GTF2H5: variants seen among roughly 807,000 people sequenced by gnomAD.
GTF2H5 encodes TFB5 ortholog.
GTF2H5 carries 5 observed loss-of-function variants against 7.1 expected under a neutral mutation model. That is an observed-to-expected ratio of 0.71 (90% CI 0.37 to 1.49). The LOEUF is 1.49. Ranked by LOEUF, GTF2H5 falls within the 40% of genes most tolerant of loss-of-function variation. The probability of loss-of-function intolerance (pLI) is 0.03; values close to 1 mark genes in which losing one functional copy is unlikely to be tolerated. For synonymous variants in GTF2H5, 30 were observed against 31.7 expected (o/e 0.95, Z 0.18); for missense variants, 80 against 83.0 (o/e 0.96, Z 0.14).
In GTF2H5 at chr6:158,187,703, G is replaced by T. The variant is rs953768691; in HGVS notation, c.36-4274G>T. On this transcript the variant is annotated intron_variant, in intron 2 of 2. Transcript: ENST00000607778. ...CTGCCTCAGCCTCCCGAGTAGCTGG[G>T]ACTACAGGTGCCTGCCACCACATCT... 5.3e-5 allele frequency among the ~76,000 whole-genome samples: 8 copies of T among 152,146 alleles called. No individual in the cohort carries two copies. The East Asian group carries it at 1.6e-3, about 30-fold the overall frequency.
At chr6:158,175,379 T>C (rs577772171) in intron 2 of GTF2H5, among the ~76,000 whole-genome samples, 1 of 152,326 alleles carries the variant, frequency 6.6e-6, no homozygotes, top group South Asian at 2.1e-4. Flanking sequence ...CTGATGGAAG[T>C]GTAATCCCAA....
intron 2 of GTF2H5, among the ~76,000 whole-genome samples, chr6:158,188,620 A>G (rs1776969679): frequency 6.6e-6 from 1 of 151,998 alleles, no homozygotes; most frequent in Admixed American, 6.5e-5. Context: ...CTGTTCTAGA[A>G]AATCTTTTCA....
At chr6:158,175,044 G>GTATGTGTGTGTGTGTGTA (rs1785915193) in intron 2 of GTF2H5, among the ~76,000 whole-genome samples, 23 of 142,834 alleles carry the variant, frequency 1.6e-4, no homozygotes, top group African/African-American at 6.1e-4. Context: ...GTGTGTGTGT[G>GTATGTGTGTGTGTGTGTA]TATACACACA....
rs1241447517 is a variant in GTF2H5, at chr6:158,169,675, T to C, written c.-34-795T>C. ...ATTACATATAATATATTGTATATTA[T>C]ATAATATATAATATATATTATATAA... On this transcript the variant is annotated intron_variant, in intron 1 of 2. Transcript: ENST00000607778. Among the ~76,000 whole-genome samples, 4 of 50,808 alleles carry C rather than the reference T, an allele frequency of 7.9e-5. 1 individual carries two copies. The highest frequency in any genetic ancestry group is 6.6e-5 in the Non-Finnish European group (2 of 30,184). The allele number at this position is 50,808 out of a possible 152,430, so 33.3% of individuals were successfully genotyped here.
chr6:158,171,323 A>C (rs918872549), intron 2 of GTF2H5, among the ~76,000 whole-genome samples: 46 of 152,344 alleles, frequency 3.0e-4, no homozygotes, highest in African/African-American at 1.0e-3. Context: ...CTAAGTCTTC[A>C]AAAAAATCTT....
intron 2 of GTF2H5, among the ~76,000 whole-genome samples, chr6:158,178,908 C>T (rs1226904156): frequency 1.3e-5 from 2 of 152,182 alleles, no homozygotes; most frequent in Non-Finnish European, 2.9e-5. Flanking sequence ...TTGTTTTAGA[C>T]ATGAAGTCTT....
chr6:158,177,291 A>T (rs537450278), intron 2 of GTF2H5, among the ~76,000 whole-genome samples: 1 of 152,340 alleles, frequency 6.6e-6, no homozygotes, highest in East Asian at 1.9e-4. Flanking sequence ...CAGTGTAGCT[A>T]TGGTACTAAC....
At chr6:158,173,281 G>A (rs1785881908) in intron 2 of GTF2H5, among the ~76,000 whole-genome samples, 1 of 152,152 alleles carries the variant, frequency 6.6e-6, no homozygotes, top group Non-Finnish European at 1.5e-5. Context: ...CTAAAGTGTA[G>A]TCTGCACAAT....
Position 158,191,960 on chromosome 6 carries a change from T to A in GTF2H5, c.36-17T>A. 6.2e-7 allele frequency: 1 copy of A among 1,604,116 alleles called. No homozygotes were observed. Among genetic ancestry groups the A allele is most frequent in the Non-Finnish European group, 8.5e-7 (1 of 1,170,830 alleles). ...TTGACAACAAGCTGTCTTACAATCATGTGTTTGTCTTTACAGTGATCCTGC... is the reference window on the plus strand; with the variant it reads ...TTGACAACAAGCTGTCTTACAATCAAGTGTTTGTCTTTACAGTGATCCTGC... On this transcript the variant is annotated splice_polypyrimidine_tract_variant and intron_variant, in intron 2 of 2. Transcript: ENST00000607778.
intron 2 of GTF2H5, chr6:158,190,675 T>C (rs748698771): frequency 4.0e-5 from 18 of 455,450 alleles, no homozygotes; most frequent in East Asian, 1.2e-4. Flanking sequence ...TGTACTTAAA[T>C]CTTATTTTTC....
intron 1 of GTF2H5, among the ~76,000 whole-genome samples, chr6:158,168,853 A>G (rs1237090399): frequency 6.6e-6 from 1 of 151,654 alleles, no homozygotes; most frequent in African/African-American, 2.4e-5. Flanking sequence ...ATCCCAGCAC[A>G]TTGGGAGGCC....
chr6:158,171,388 C>T (rs1284466497), intron 2 of GTF2H5, among the ~76,000 whole-genome samples: 2 of 152,176 alleles, frequency 1.3e-5, no homozygotes, highest in Non-Finnish European at 2.9e-5. Context: ...ACAGACTAAC[C>T]GTGTTTCAAG....
Position 158,170,657 on chromosome 6 carries a change from T to A in GTF2H5, c.35+119T>A, listed in dbSNP as rs961736642. ...ATGGATGAAATCAAGTCTTTCGCTT[T>A]TAACAAGTGGCACAGATTTTGTTGC... On this transcript the variant is annotated intron_variant, in intron 2 of 2. Transcript: ENST00000607778. 7.8e-6 allele frequency: 6 copies of A among 772,254 alleles called. No homozygotes were observed. The African/African-American group carries it at 1.0e-4, about 13-fold the overall frequency. 47.8% of individuals were successfully genotyped at this position (772,254 alleles called of 1,614,324 possible).
rs1396239721 is a variant in GTF2H5 at position 158,197,021 on chromosome 6, AG to A, written c.*4865del. The A allele has an allele frequency of 6.6e-6, 1 of 152,266 alleles. No homozygotes were observed. The highest frequency in any genetic ancestry group is 1.5e-5 in the Non-Finnish European group (1 of 68,056). 9.4% of individuals were successfully genotyped at this position (152,266 alleles called of 1,614,324 possible). On this transcript the variant is annotated 3_prime_UTR_variant, in exon 3 of 3. Coordinates refer to ENST00000607778, the MANE Select transcript of GTF2H5 (RefSeq NM_207118.3). ...AAACCATCCAGCCCAGGTCAGCTGC[AG>A]ACAAAAGCAGAGCTTTCGATGGAAA...
At chr6:158,171,340 C>T (rs1018201726) in intron 2 of GTF2H5, among the ~76,000 whole-genome samples, 14 of 152,196 alleles carry the variant, frequency 9.2e-5, no homozygotes, top group African/African-American at 3.4e-4. Context: ...TCTTCATCTT[C>T]AAAGTCGAAT....
chr6:158,180,024 T>C (rs1252352275), intron 2 of GTF2H5, among the ~76,000 whole-genome samples: 4 of 152,240 alleles, frequency 2.6e-5, no homozygotes, highest in African/African-American at 9.6e-5. Flanking sequence ...ATTCCATCGA[T>C]ACGTAGTTTA....
intron 2 of GTF2H5, among the ~76,000 whole-genome samples, chr6:158,180,523 T>C (rs1785996070): frequency 6.6e-6 from 1 of 152,224 alleles, no homozygotes; most frequent in Non-Finnish European, 1.5e-5. Flanking sequence ...GTTGGTAGGC[T>C]ATTAATTATT....
rs577458318 is a variant in GTF2H5 at position 158,171,176 on chromosome 6, A to G, written c.35+638A>G. Among the ~76,000 whole-genome samples the G allele has an allele frequency of 3.3e-5, 5 of 152,354 alleles. No homozygotes were observed. The East Asian group carries it at 9.6e-4, about 29-fold the overall frequency. ...CCAACATTTAGAACAGCACTAGCCA[A>G]TAGAAATCTAATGCAAGCCACAGAT... On this transcript the variant is annotated intron_variant, in intron 2 of 2. Transcript: ENST00000607778.
intron 2 of GTF2H5, among the ~76,000 whole-genome samples, chr6:158,180,434 C>T (rs1416482269): frequency 1.3e-5 from 2 of 152,080 alleles, no homozygotes; most frequent in African/African-American, 2.4e-5. Flanking sequence ...GGAATAGTTT[C>T]GGAAGGAATG....
Sources: allele counts gnomAD v4.1 joint callset (sites outside exome capture counted in the v4.1 genomes callset), GRCh38; gene constraint gnomAD v4.1.1; transcripts MANE v1.5; gene names NCBI Gene and HGNC (gene_info 2026-07-23, HGNC 2026-07-21).